The following RGS6 variants were observed in gnomAD, a reference collection of about 807,000 sequenced individuals.
RGS6 encodes the protein regulator of G-protein signaling 6.
RGS6 carries 30 observed loss-of-function variants against 78.5 expected under a neutral mutation model. The ratio of observed to expected loss-of-function variants is 0.38; its 90% CI spans 0.29 to 0.52. The LOEUF is 0.52. Ranked by LOEUF, RGS6 falls within the 20% of genes least tolerant of loss-of-function variation. The probability of loss-of-function intolerance (pLI) is 0.85; values close to 1 mark genes in which losing one functional copy is unlikely to be tolerated. For synonymous variants in RGS6, 206 were observed against 206.0 expected (o/e 1.00, Z 0.00); for missense variants, 495 against 609.7 (o/e 0.81, Z 1.98).
chr14:71,999,065 TA>T (rs11313063), intron 2 of RGS6, among the ~76,000 whole-genome samples: 105,105 of 152,072 alleles, frequency 0.69, 36,778 homozygotes, highest in East Asian at 0.78. Context: ...ACCCTATCTC[TA>T]AAAAATAATA....
intron 2 of RGS6, among the ~76,000 whole-genome samples, chr14:72,211,166 G>T (rs1386490069): frequency 6.6e-6 from 1 of 152,166 alleles, no homozygotes; most frequent in Non-Finnish European, 1.5e-5. Context: ...GATGTCCAGA[G>T]ACAAATCTTG....
intron 2 of RGS6, among the ~76,000 whole-genome samples, chr14:72,170,174 C>T (rs373648245): frequency 1.3e-5 from 2 of 152,284 alleles, no homozygotes; most frequent in Admixed American, 6.5e-5. Flanking sequence ...TAAACAATGC[C>T]ATGTACCTAC....
intron 3 of RGS6, among the ~76,000 whole-genome samples, chr14:72,387,578 T>C (rs1302186262): frequency 6.6e-6 from 1 of 151,874 alleles, no homozygotes; most frequent in Non-Finnish European, 1.5e-5. Flanking sequence ...GAGGGATATT[T>C]GAGATACACA....
chr14:72,545,668 A>G (rs1490404355), intron 17 of RGS6, among the ~76,000 whole-genome samples: 1 of 152,186 alleles, frequency 6.6e-6, no homozygotes. Flanking sequence ...AGGCTGGGAA[A>G]TAAACTGTGG....
intron 2 of RGS6, among the ~76,000 whole-genome samples, chr14:72,261,736 T>C (rs530419906): frequency 2.6e-5 from 4 of 152,290 alleles, no homozygotes; most frequent in East Asian, 3.9e-4. Flanking sequence ...ATAACCATTT[T>C]TGGGGGGGTT....
chr14:72,585,651 C>T, the RGS6 span, among the ~76,000 whole-genome samples: 1 of 152,198 alleles, frequency 6.6e-6, no homozygotes, highest in Non-Finnish European at 1.5e-5. Context: ...GACAAGATGG[C>T]TGTCTTCAGC....
At chr14:72,026,531 C>G (rs1055202592) in intron 2 of RGS6, among the ~76,000 whole-genome samples, 2 of 152,218 alleles carry the variant, frequency 1.3e-5, no homozygotes, top group Admixed American at 1.3e-4. Context: ...ATCCTTACTT[C>G]AGCCCATCAG....
At chr14:72,133,977 CAT>C (rs1266097640) in intron 2 of RGS6, among the ~76,000 whole-genome samples, 2 of 152,194 alleles carry the variant, frequency 1.3e-5, no homozygotes, top group Non-Finnish European at 2.9e-5. Flanking sequence ...CCAACCCAGA[CAT>C]AGCATCTTTC....
chr14:72,615,077 G>A, the RGS6 span, among the ~76,000 whole-genome samples: 40,007 of 152,000 alleles, frequency 0.26, 6,594 homozygotes, highest in East Asian at 0.64. Context: ...CTTCTCCCTC[G>A]GGCTGAGACA....
chr14:72,502,928 T>A (rs28698186), intron 13 of RGS6, among the ~76,000 whole-genome samples: 1 of 152,142 alleles, frequency 6.6e-6, no homozygotes. Flanking sequence ...TTTTAAGGAA[T>A]TGCCTTATTT....
At chr14:72,291,702 C>T (rs527774016) in intron 2 of RGS6, among the ~76,000 whole-genome samples, 96 of 152,242 alleles carry the variant, frequency 6.3e-4, no homozygotes, top group African/African-American at 2.1e-3. Context: ...AAAGGACAAG[C>T]CTGGCTAAAA....
At chr14:72,148,506 C>A (rs940782418) in intron 2 of RGS6, among the ~76,000 whole-genome samples, 5 of 152,116 alleles carry the variant, frequency 3.3e-5, no homozygotes, top group African/African-American at 1.2e-4. Context: ...GCTTTAGTGC[C>A]TTTGGAGAGG....
At chr14:72,066,712 A>G (rs978304156) in intron 2 of RGS6, among the ~76,000 whole-genome samples, 1 of 152,078 alleles carries the variant, frequency 6.6e-6, no homozygotes, top group Non-Finnish European at 1.5e-5. Context: ...CTTAATTTAC[A>G]GGAAAAAAAA....
intron 2 of RGS6, among the ~76,000 whole-genome samples, chr14:72,105,963 C>T (rs552165510): frequency 3.5e-4 from 54 of 152,234 alleles, no homozygotes; most frequent in African/African-American, 1.1e-3. Flanking sequence ...CATTGTAAGA[C>T]GTCTTCAGCG....
intron 2 of RGS6, among the ~76,000 whole-genome samples, chr14:72,140,050 TA>T (rs149634071): frequency 0.037 from 5,637 of 150,674 alleles, 137 homozygotes; most frequent in Non-Finnish European, 0.06. Flanking sequence ...AATTCCAAGT[TA>T]AAAAGGTCCT....
chr14:72,418,436 G>C (rs765287634), intron 3 of RGS6, among the ~76,000 whole-genome samples: 53 of 152,162 alleles, frequency 3.5e-4, no homozygotes, highest in Non-Finnish European at 6.2e-4. Flanking sequence ...CAAAGTGCTA[G>C]GATTACAGGC....
Position 72,422,777 on chromosome 14 carries a change from A to G in RGS6, c.185-31751A>G, listed in dbSNP as rs529940250. On this transcript the variant is annotated intron_variant, in intron 3 of 17. Coordinates refer to ENST00000553525, the MANE Select transcript of RGS6 (RefSeq NM_001204424.2). Reference sequence around the variant, plus strand: ...GGCAGAGGAGGTCAAACACAAGTGGACTCGCTTATTAAGCCCAGAAAGAGA... The same window carrying G: ...GGCAGAGGAGGTCAAACACAAGTGGGCTCGCTTATTAAGCCCAGAAAGAGA... 2.6e-5 allele frequency among the ~76,000 whole-genome samples: 4 copies of G among 152,216 alleles called. No individual in the cohort carries two copies. In the South Asian group the frequency reaches 6.2e-4, roughly 24 times the overall value.
rs370427709 is a variant in RGS6 at position 72,023,196 on chromosome 14, A to C, written c.84+58321A>C. 7.2e-5 allele frequency among the ~76,000 whole-genome samples: 11 copies of C among 152,244 alleles called. No homozygotes were observed. The East Asian group carries it at 1.7e-3, about 24-fold the overall frequency. ...ATCCAAAATGAGTCTAACTTTTCTA[A>C]GCAATGGTCTTGGGAGATGTACATA... On this transcript the variant is annotated intron_variant, in intron 2 of 17. Transcript: ENST00000553525.
In RGS6 at chr14:72,477,148, G is replaced by C. The variant is rs546251623; in HGVS notation, c.792+308G>C. ...CTGTGGGAGCTGGAGGAAGGAGGGG[G>C]CTCATGTCACACAGTCCTTATAATT... On this transcript the variant is annotated intron_variant, in intron 11 of 17. Transcript: ENST00000553525. The C allele has an allele frequency of 2.2e-4, 72 of 325,924 alleles. 1 individual carries two copies. Among genetic ancestry groups the C allele is most frequent in the African/African-American group, 1.4e-3 (67 of 46,560 alleles). 20.2% of individuals were successfully genotyped at this position (325,924 alleles called of 1,614,324 possible).
Sources: gnomAD v4.1 joint callset for allele counts (sites outside exome capture counted in the v4.1 genomes callset) on GRCh38, gnomAD v4.1.1 for gene constraint, MANE v1.5 for transcripts, NCBI Gene and HGNC (gene_info 2026-07-23, HGNC 2026-07-21) for gene names.